The following COL22A1 variants were observed in gnomAD, a reference collection of about 807,000 sequenced individuals.
COL22A1 encodes the protein collagen alpha-1(XXII) chain.
In COL22A1, 221 loss-of-function variants were observed where a neutral mutation model predicts 248.9. That is an observed-to-expected ratio of 0.89 (90% CI 0.80 to 0.99). The LOEUF is 0.99. Ranked by LOEUF, COL22A1 falls within the 50% of genes least tolerant of loss-of-function variation. COL22A1 has a pLI of 0.00. For synonymous variants in COL22A1, 891 were observed against 793.4 expected (o/e 1.12, Z -2.07); for missense variants, 2,240 against 2,179.0 (o/e 1.03, Z -0.56).
chr8:138,613,392 G>A (rs1390150668), intron 56 of COL22A1, among the ~76,000 whole-genome samples: 10 of 152,164 alleles, frequency 6.6e-5, no homozygotes, highest in Non-Finnish European at 1.0e-4. Flanking sequence ...CCAGAAGCTG[G>A]GAGAGACACC....
intron 10 of COL22A1, among the ~76,000 whole-genome samples, chr8:138,805,382 TG>T (rs1563785910): frequency 1.4e-5 from 2 of 146,846 alleles, no homozygotes; most frequent in African/African-American, 5.1e-5. Context: ...TGTGATGGTG[TG>T]GGCATGTGAT....
intron 55 of COL22A1, among the ~76,000 whole-genome samples, chr8:138,614,901 G>T (rs10094993): frequency 2.6e-5 from 4 of 152,012 alleles, no homozygotes; most frequent in African/African-American, 4.8e-5. Flanking sequence ...CACGTGCTCC[G>T]GTGTGTCAAG....
chr8:138,869,553 G>C (rs1456892976), intron 3 of COL22A1, among the ~76,000 whole-genome samples: 3 of 152,200 alleles, frequency 2.0e-5, no homozygotes, highest in African/African-American at 4.8e-5. Context: ...GGTCTGGCTG[G>C]GCAGGGTTGG....
intron 12 of COL22A1, among the ~76,000 whole-genome samples, chr8:138,787,490 G>A (rs894300378): frequency 1.3e-5 from 2 of 152,198 alleles, no homozygotes; most frequent in African/African-American, 2.4e-5. Flanking sequence ...TGGCTGGTAA[G>A]AGGCCTTGAG....
chr8:138,853,037 G>A (rs963954491), intron 3 of COL22A1, among the ~76,000 whole-genome samples: 2 of 151,754 alleles, frequency 1.3e-5, no homozygotes, highest in African/African-American at 2.4e-5. Flanking sequence ...TTAGCAGCAC[G>A]TGGTGATGTG....
At position 138,594,067 on chromosome 8, in the gene COL22A1, C is replaced by T. The variant is rs747819697; in HGVS notation, c.4565G>A (p.Arg1522His). ...GRAGPMGEPG[R>H]PGQGGLEGPS... Reference sequence around the variant, plus strand: ...TCCTTCCAGACCCCCCTGCCCAGGACGACCTGGCTCCCCCATGGGGCCGGC... The same window carrying T: ...TCCTTCCAGACCCCCCTGCCCAGGATGACCTGGCTCCCCCATGGGGCCGGC... The change falls in exon 63 of 65, where the codon CGT (arginine) becomes CAT (histidine). Residue 1522 changes from arginine (R) to histidine (H), a missense_variant. Coordinates refer to ENST00000303045, the MANE Select transcript of COL22A1 (RefSeq NM_152888.3). 25 of 1,590,120 alleles carry T rather than the reference C, an allele frequency of 1.6e-5. No individual in the cohort carries two copies. The highest frequency in any genetic ancestry group is 1.7e-4 in the Middle Eastern group (1 of 6,000).
chr8:138,718,983 T>C lies in COL22A1; in HGVS notation c.2355+1756A>G, dbSNP rs560757602. On this transcript the variant is annotated intron_variant, in intron 27 of 64. Transcript: ENST00000303045. ...AGAAACTCGATGGGAATGGATTGCTTCATTACTGAATAGAAAGGTGGGGTT... is the reference window on the plus strand; with the variant it reads ...AGAAACTCGATGGGAATGGATTGCTCCATTACTGAATAGAAAGGTGGGGTT... 3.3e-5 allele frequency among the ~76,000 whole-genome samples: 5 copies of C among 152,334 alleles called. No homozygotes were observed. The South Asian group carries it at 1.0e-3, about 32-fold the overall frequency.
At chr8:138,645,719 C>G (rs780120195) in intron 47 of COL22A1, among the ~76,000 whole-genome samples, 3 of 152,210 alleles carry the variant, frequency 2.0e-5, no homozygotes, top group African/African-American at 4.8e-5. Context: ...AGATGGAATT[C>G]TAACCCCAAG....
intron 11 of COL22A1, among the ~76,000 whole-genome samples, chr8:138,801,355 T>C (rs1816981474): frequency 6.6e-6 from 1 of 151,994 alleles, no homozygotes; most frequent in Non-Finnish European, 1.5e-5. Flanking sequence ...TTAGACTCCA[T>C]AGGATGCACG....
rs1247367490 is a variant in COL22A1, at chr8:138,619,520, GAAGAA to G, written c.3772-17_3772-13del. ...TCTCCTGCTTTGCCCTGAGAGTAAGGAAGAAAAGAAGAGTTTGAGGACAACATTGT... is the reference window on the plus strand; with the variant it reads ...TCTCCTGCTTTGCCCTGAGAGTAAGGAAGAAGAGTTTGAGGACAACATTGT... On this transcript the variant is annotated splice_polypyrimidine_tract_variant and intron_variant, in intron 52 of 64. Coordinates refer to ENST00000303045, the MANE Select transcript of COL22A1 (RefSeq NM_152888.3). 1.9e-6 allele frequency: 3 copies of G among 1,613,196 alleles called. No individual in the cohort carries two copies. Among genetic ancestry groups the G allele is most frequent in the Middle Eastern group, 1.6e-4 (1 of 6,080 alleles).
chr8:138,790,147 G>C (rs897192698), intron 12 of COL22A1, among the ~76,000 whole-genome samples: 3 of 152,192 alleles, frequency 2.0e-5, no homozygotes, highest in African/African-American at 7.2e-5. Flanking sequence ...CTGTTCCAGA[G>C]GCTGGAAAAG....
Position 138,802,940 on chromosome 8 carries a change from G to T in COL22A1, c.1495-6C>A, listed in dbSNP as rs753464313. ...CCAATGGCTCCTATGTCTCCCTGAGGGGTTGAGACCAGAGACAAGCATCAG... is the reference window on the plus strand; with the variant it reads ...CCAATGGCTCCTATGTCTCCCTGAGTGGTTGAGACCAGAGACAAGCATCAG... On this transcript the variant is annotated splice_region_variant and splice_polypyrimidine_tract_variant and intron_variant, in intron 10 of 64. Transcript: ENST00000303045. 4 of 1,612,274 alleles carry T rather than the reference G, an allele frequency of 2.5e-6. No individual in the cohort carries two copies. The highest frequency in any genetic ancestry group is 3.4e-6 in the Non-Finnish European group (4 of 1,178,346).
At position 138,670,012 on chromosome 8, in the gene COL22A1, G is replaced by A. The variant is rs1032008727; in HGVS notation, c.3151-6272C>T. Among the ~76,000 whole-genome samples the A allele has an allele frequency of 1.8e-4, 28 of 151,404 alleles. No individual in the cohort carries two copies. The Middle Eastern group carries it at 0.01, about 57-fold the overall frequency. On this transcript the variant is annotated intron_variant, in intron 41 of 64. Transcript: ENST00000303045. ...AGCAATTCTCCTGCCTCAGCCTCCCGAGTAGCTGGGATTACAGGCACCCAC... is the reference window on the plus strand; with the variant it reads ...AGCAATTCTCCTGCCTCAGCCTCCCAAGTAGCTGGGATTACAGGCACCCAC...
intron 64 of COL22A1, 81 bp from the exon 65 acceptor site, chr8:138,589,521 T>A: frequency 8.4e-7 from 1 of 1,194,086 alleles, no homozygotes; most frequent in Non-Finnish European, 1.1e-6. Flanking sequence ...CAGCTTCCAT[T>A]CACTATGAAC....
intron 2 of COL22A1, among the ~76,000 whole-genome samples, chr8:138,881,737 G>T (rs1824232586): frequency 6.6e-6 from 1 of 152,308 alleles, no homozygotes; most frequent in East Asian, 1.9e-4. Context: ...TCAGCGTTTT[G>T]CTTCCTGAAT....
At chr8:138,869,987 G>T (rs1482736197) in intron 3 of COL22A1, among the ~76,000 whole-genome samples, 4 of 152,204 alleles carry the variant, frequency 2.6e-5, no homozygotes, top group Non-Finnish European at 5.9e-5. Context: ...ATATGTGTGT[G>T]GGGTGTTATG....
In COL22A1 at chr8:138,811,842, C is replaced by A; in HGVS notation, c.1406G>T (p.Gly469Val). The change falls in exon 9 of 65, where the codon GGG (glycine) becomes GTG (valine). Residue 469 changes from glycine (G) to valine (V), a missense_variant. Transcript: ENST00000303045. Reference protein sequence around the residue: ...RPPTPGSEQIGFLKTINCSCP... With the variant: ...RPPTPGSEQIVFLKTINCSCP... ...GGAGCAGTTGATGGTCTTCAAAAAC[C>A]CAATCTGTTCACTGCCTGGGGTGGG... 1 of 1,607,840 alleles carries A rather than the reference C, an allele frequency of 6.2e-7. No homozygotes were observed. The highest frequency in any genetic ancestry group is 8.5e-7 in the Non-Finnish European group (1 of 1,177,306).
intron 22 of COL22A1, among the ~76,000 whole-genome samples, chr8:138,746,899 G>A (rs1832160913): frequency 6.6e-6 from 1 of 152,196 alleles, no homozygotes; most frequent in Non-Finnish European, 1.5e-5. Context: ...CCTCCTTCCT[G>A]CAGTCTGTTC....
chr8:138,899,672 C>T lies in COL22A1; in HGVS notation c.-73+13947G>A, dbSNP rs188607038. Among the ~76,000 whole-genome samples the T allele has an allele frequency of 3.6e-3, 552 of 152,084 alleles. 4 individuals carry two copies. The highest frequency in any genetic ancestry group is 0.024 in the Middle Eastern group (7 of 294). ...CTGGGTAGCTGGGATTACAGGCATGCGCCACCATGCCCGGCTAATTTTTGT... is the reference window on the plus strand; with the variant it reads ...CTGGGTAGCTGGGATTACAGGCATGTGCCACCATGCCCGGCTAATTTTTGT... On this transcript the variant is annotated intron_variant, in intron 1 of 64. Coordinates refer to ENST00000303045, the MANE Select transcript of COL22A1 (RefSeq NM_152888.3).
Sources: allele counts gnomAD v4.1 joint callset (sites outside exome capture counted in the v4.1 genomes callset), GRCh38; gene constraint gnomAD v4.1.1; transcripts MANE v1.5; gene names NCBI Gene and HGNC (gene_info 2026-07-23, HGNC 2026-07-21).